The following ADGRV1 variants were observed in gnomAD, a reference collection of about 807,000 sequenced individuals.
ADGRV1 encodes adhesion G protein-coupled receptor V1.
ADGRV1 carries 359 observed loss-of-function variants against 596.2 expected under a neutral mutation model. The observed-to-expected ratio is 0.60, with a 90% CI of 0.55 to 0.66. ADGRV1 has a LOEUF of 0.66. Ranked by LOEUF, ADGRV1 falls within the 30% of genes least tolerant of loss-of-function variation. The pLI, the probability that ADGRV1 is intolerant of heterozygous loss-of-function variation, is 0.00. For missense variants in ADGRV1, 7,274 were observed against 7,575.6 expected, an observed-to-expected ratio of 0.96 and a Z score of 1.48; for synonymous variants, 2,681 against 2,679.2, an observed-to-expected ratio of 1.00 and a Z score of -0.02.
intron 8 of ADGRV1, 59 bp downstream of exon 8, chr5:90,628,891 G>T (rs1362173552): frequency 1.3e-6 from 2 of 1,495,284 alleles, no homozygotes; most frequent in East Asian, 2.3e-5. Flanking sequence ...AAGAACCAAA[G>T]AATTTGGTCA....
chr5:91,033,177 T>C (rs1195995419), intron 85 of ADGRV1, among the ~76,000 whole-genome samples: 2 of 152,222 alleles, frequency 1.3e-5, no homozygotes, highest in Non-Finnish European at 2.9e-5. Flanking sequence ...ACTTTTTGTT[T>C]ACTAATTTGT....
intron 76 of ADGRV1, among the ~76,000 whole-genome samples, chr5:90,827,193 C>T (rs1457608619): frequency 6.6e-6 from 1 of 152,116 alleles, no homozygotes; most frequent in Non-Finnish European, 1.5e-5. Flanking sequence ...TCCTGGGATG[C>T]TTCTGACCTA....
chr5:91,134,573 G>A (rs1264101656), intron 87 of ADGRV1, among the ~76,000 whole-genome samples: 1 of 152,110 alleles, frequency 6.6e-6, no homozygotes, highest in African/African-American at 2.4e-5. Flanking sequence ...TTGCCATGGG[G>A]AGGAATATAT....
chr5:90,861,519 C>A lies in ADGRV1; in HGVS notation c.17756-2238C>A, dbSNP rs545843822. 2.6e-5 allele frequency among the ~76,000 whole-genome samples: 4 copies of A among 151,854 alleles called. No homozygotes were observed. In the South Asian group the frequency reaches 8.4e-4, roughly 32 times the overall value. ...AGAGACAGGGTTTCACCGTGTTAGCCAGGATGGTCTCGATCTCCTGACCTC... is the reference window on the plus strand; with the variant it reads ...AGAGACAGGGTTTCACCGTGTTAGCAAGGATGGTCTCGATCTCCTGACCTC... On this transcript the variant is annotated intron_variant, in intron 82 of 89. Transcript: ENST00000405460.
In ADGRV1 at chr5:90,683,697, C is replaced by G. The variant is rs1449286135; in HGVS notation, c.5776C>G (p.Gln1926Glu). Residue 1926 changes from glutamine to glutamate, a missense_variant, in exon 28 of 90, where the codon CAG becomes GAG. Gln to Glu is a conservative substitution (Grantham distance 29, BLOSUM62 2). Around this residue, in one of 5 missense-constraint regions of ADGRV1, gnomAD observed 3,643 missense variants for 3,809.2 expected, o/e 0.96. Coordinates refer to ENST00000405460, the MANE Select transcript of ADGRV1 (RefSeq NM_032119.4). ...TGGCAACATCACATTTGAGATTGGG[C>G]AGACGAGCGCCAATATCACTGTGGA... is the stretch of plus-strand genomic sequence containing the variant. ...TSGNITFEIG[Q>E]TSANITVEIL... 1.2e-6 allele frequency: 2 copies of G among 1,613,874 alleles called. No homozygotes were observed. The highest frequency in any genetic ancestry group is 1.3e-5 in the African/African-American group (1 of 75,026).
At chr5:90,731,859 A>T (rs2460176) in intron 50 of ADGRV1, among the ~76,000 whole-genome samples, 94,779 of 152,172 alleles carry the variant, frequency 0.62, 30,819 homozygotes, top group East Asian at 0.8. Flanking sequence ...TATACTCATT[A>T]TGTGTAAATA....
At chr5:90,616,019 G>A (rs927316681) in intron 2 of ADGRV1, among the ~76,000 whole-genome samples, 1 of 151,876 alleles carries the variant, frequency 6.6e-6, no homozygotes, top group Non-Finnish European at 1.5e-5. Context: ...ATTTTCATAG[G>A]CTGAATTACT....
intron 85 of ADGRV1, among the ~76,000 whole-genome samples, chr5:91,030,827 A>T (rs1268109421): frequency 6.6e-6 from 1 of 152,206 alleles, no homozygotes; most frequent in African/African-American, 2.4e-5. Flanking sequence ...CTAAAAATTC[A>T]TTATTATTCA....
At chr5:90,710,586 A>G (rs1749206866) in intron 39 of ADGRV1, among the ~76,000 whole-genome samples, 1 of 150,256 alleles carries the variant, frequency 6.7e-6, no homozygotes, top group Non-Finnish European at 1.5e-5. Context: ...CACTTCTTTC[A>G]TTTATTTTTC....
intron 48 of ADGRV1, among the ~76,000 whole-genome samples, chr5:90,728,448 T>C (rs1752086273): frequency 6.6e-6 from 1 of 152,192 alleles, no homozygotes; most frequent in Non-Finnish European, 1.5e-5. Context: ...TGTGTGTGTG[T>C]ATGTGTACTT....
At chr5:90,638,081 T>A in intron 11 of ADGRV1, 133 bp downstream of exon 11, 1 of 597,966 alleles carries the variant, frequency 1.7e-6, no homozygotes. Context: ...TATACTGGCC[T>A]TCAGACTTTT....
chr5:90,960,505 C>T (rs571172762), intron 83 of ADGRV1, among the ~76,000 whole-genome samples: 25 of 151,882 alleles, frequency 1.6e-4, no homozygotes, highest in Admixed American at 1.2e-3. Context: ...TGACAGTTTT[C>T]GAAGACATTA....
At chr5:90,766,837 G>A (rs1757199417) in intron 59 of ADGRV1, among the ~76,000 whole-genome samples, 1 of 152,112 alleles carries the variant, frequency 6.6e-6, no homozygotes, top group Non-Finnish European at 1.5e-5. Context: ...CCCACTGTAG[G>A]ATGCGATTTT....
chr5:90,693,463 T>C (rs1307564677), intron 32 of ADGRV1, among the ~76,000 whole-genome samples: 1 of 152,140 alleles, frequency 6.6e-6, no homozygotes, highest in Non-Finnish European at 1.5e-5. Context: ...TTTTTTTTTT[T>C]CTGAATATTT....
intron 32 of ADGRV1, among the ~76,000 whole-genome samples, chr5:90,693,406 A>G (rs1196743078): frequency 6.6e-6 from 1 of 152,170 alleles, no homozygotes; most frequent in Admixed American, 6.5e-5. Context: ...AATGCTATAT[A>G]AATAGTTGCT....
At chr5:91,028,930 A>G (rs1469063734) in intron 85 of ADGRV1, among the ~76,000 whole-genome samples, 1 of 151,766 alleles carries the variant, frequency 6.6e-6, no homozygotes. Flanking sequence ...ATGGAGACAG[A>G]TTTTGCTATG....
chr5:91,079,148 T>C (rs1789112226), intron 86 of ADGRV1, among the ~76,000 whole-genome samples: 1 of 152,218 alleles, frequency 6.6e-6, no homozygotes. Context: ...TCACATGTCC[T>C]TGGCAGTTAG....
At chr5:91,161,758 G>C (rs1466097145) in intron 89 of ADGRV1, among the ~76,000 whole-genome samples, 1 of 151,988 alleles carries the variant, frequency 6.6e-6, no homozygotes, top group Non-Finnish European at 1.5e-5. Flanking sequence ...ATAAAGGGGA[G>C]GTGATTAATG....
At chr5:90,732,765 A>G (rs1422580103) in intron 50 of ADGRV1, among the ~76,000 whole-genome samples, 1 of 152,234 alleles carries the variant, frequency 6.6e-6, no homozygotes, top group Non-Finnish European at 1.5e-5. Context: ...CAGTATTATC[A>G]GTCATTTAGC....
Sources: gnomAD v4.1 joint callset for allele counts (sites outside exome capture counted in the v4.1 genomes callset) on GRCh38, gnomAD v4.1.1 for gene constraint, gnomAD v4.1.1 regional missense constraint, MANE v1.5 for transcripts, NCBI Gene and HGNC (gene_info 2026-07-23, HGNC 2026-07-21) for gene names.